The following PDE4D variants were observed in gnomAD, a reference collection of about 807,000 sequenced individuals.
The protein encoded by PDE4D is 3',5'-cyclic-AMP phosphodiesterase 4D.
A neutral mutation model predicts 87.4 loss-of-function variants in PDE4D; 24 were observed. The observed-to-expected ratio is 0.27, with a 90% CI of 0.20 to 0.39. PDE4D has a LOEUF of 0.39. PDE4D is among the 10% of genes least tolerant of loss of function. The pLI is 1.00. For synonymous variants in PDE4D, 384 were observed against 383.2 expected (o/e 1.00, Z -0.02); for missense variants, 714 against 1,041.0 (o/e 0.69, Z 4.32).
chr5:59,038,734 A>G (rs1759013747), intron 6 of PDE4D, 125 bp downstream of exon 6: 1 of 891,380 alleles, frequency 1.1e-6, no homozygotes, highest in African/African-American at 1.7e-5. Flanking sequence ...AAGGAGCAGA[A>G]TAGCCAACAT....
At chr5:59,237,834 T>C (rs1044490130) in intron 1 of PDE4D, among the ~76,000 whole-genome samples, 3 of 151,102 alleles carry the variant, frequency 2.0e-5, no homozygotes, top group Non-Finnish European at 4.4e-5. Context: ...CTCAGTGATA[T>C]GAAATGTGTA....
chr5:59,886,203 T>C (rs1750120779), intron 1 of PDE4D, among the ~76,000 whole-genome samples: 1 of 152,194 alleles, frequency 6.6e-6, no homozygotes, highest in Non-Finnish European at 1.5e-5. Context: ...TAAACTGCAA[T>C]TGATAACTGC....
intron 1 of PDE4D, among the ~76,000 whole-genome samples, chr5:59,226,462 G>C (rs903559268): frequency 6.6e-6 from 1 of 152,134 alleles, no homozygotes; most frequent in Non-Finnish European, 1.5e-5. Context: ...ATAGAAGCAG[G>C]AAGTAGCATG....
chr5:59,430,845 T>C (rs186386161), intron 1 of PDE4D, among the ~76,000 whole-genome samples: 4 of 152,292 alleles, frequency 2.6e-5, no homozygotes, highest in Admixed American at 1.3e-4. Context: ...AAACAAAGCA[T>C]GCATATCTGA....
chr5:59,907,513 A>G (rs886774118), intron 3 of PDE4D, among the ~76,000 whole-genome samples: 3 of 152,062 alleles, frequency 2.0e-5, no homozygotes, highest in Admixed American at 6.6e-5. Flanking sequence ...TGATGAAATA[A>G]AATAACCTGT....
intron 1 of PDE4D, among the ~76,000 whole-genome samples, chr5:59,628,686 G>A (rs956123095): frequency 1.1e-4 from 16 of 151,954 alleles, no homozygotes; most frequent in African/African-American, 3.6e-4. Context: ...ACTAGTGTGG[G>A]GGATAGAAAA....
chr5:59,079,128 G>C (rs1249293197), intron 5 of PDE4D, among the ~76,000 whole-genome samples: 1 of 152,084 alleles, frequency 6.6e-6, no homozygotes, highest in Non-Finnish European at 1.5e-5. Context: ...AATGGATTAA[G>C]GCAGATATAC....
At chr5:59,091,075 T>C (rs906342016) in intron 5 of PDE4D, 11 of 451,468 alleles carry the variant, frequency 2.4e-5, no homozygotes, top group Non-Finnish European at 4.4e-5. Flanking sequence ...TATGAAGGAG[T>C]ACTCACTCTC....
At chr5:59,995,959 A>G (rs1763489603) in intron 2 of PDE4D, among the ~76,000 whole-genome samples, 1 of 152,238 alleles carries the variant, frequency 6.6e-6, no homozygotes, top group Non-Finnish European at 1.5e-5. Flanking sequence ...ATGGTATTAG[A>G]TATTGGTGTT....
intron 3 of PDE4D, among the ~76,000 whole-genome samples, chr5:59,925,930 C>T (rs1316345851): frequency 6.6e-6 from 1 of 152,136 alleles, no homozygotes; most frequent in African/African-American, 2.4e-5. Context: ...GAGAGTTCAA[C>T]ACTCCACTTT....
intron 1 of PDE4D, among the ~76,000 whole-genome samples, chr5:59,608,288 C>T (rs1828499297): frequency 1.3e-5 from 2 of 152,074 alleles, no homozygotes; most frequent in African/African-American, 4.8e-5. Flanking sequence ...TCCCTATGTC[C>T]TATTTAAAGT....
chr5:59,194,213 A>G (rs1407061282), intron 2 of PDE4D, among the ~76,000 whole-genome samples: 1 of 152,190 alleles, frequency 6.6e-6, no homozygotes, highest in Non-Finnish European at 1.5e-5. Flanking sequence ...AAGTTGTGCA[A>G]CATTCCAGTT....
chr5:59,478,160 C>T (rs1353194247), intron 1 of PDE4D, among the ~76,000 whole-genome samples: 1 of 152,056 alleles, frequency 6.6e-6, no homozygotes, highest in Non-Finnish European at 1.5e-5. Flanking sequence ...ACCCATGTAA[C>T]AAACCTGCAC....
chr5:59,160,047 T>A (rs1346371373), intron 5 of PDE4D, among the ~76,000 whole-genome samples: 1 of 152,208 alleles, frequency 6.6e-6, no homozygotes, highest in African/African-American at 2.4e-5. Context: ...CAAAAATGAT[T>A]TAATTACATT....
chr5:60,067,737 C>T (rs1271421387), intron 2 of PDE4D, among the ~76,000 whole-genome samples: 1 of 152,078 alleles, frequency 6.6e-6, no homozygotes, highest in African/African-American at 2.4e-5. Flanking sequence ...TCTCTACCTC[C>T]ACCCACTGGT....
intron 1 of PDE4D, among the ~76,000 whole-genome samples, chr5:59,432,736 A>C (rs1287431468): frequency 6.6e-6 from 1 of 152,156 alleles, no homozygotes; most frequent in South Asian, 2.1e-4. Flanking sequence ...TCTGAACTGA[A>C]ATATATATTG....
chr5:60,031,670 T>C (rs1404781952), intron 2 of PDE4D, among the ~76,000 whole-genome samples: 2 of 152,212 alleles, frequency 1.3e-5, no homozygotes, highest in African/African-American at 4.8e-5. Flanking sequence ...TTTACTGGAA[T>C]TCCACATTTA....
Position 59,677,809 on chromosome 5 carries a change from C to T in PDE4D, c.455+215359G>A, listed in dbSNP as rs541892661. Among the ~76,000 whole-genome samples, 10 of 152,276 alleles carry T rather than the reference C, an allele frequency of 6.6e-5. No individual in the cohort carries two copies. In the South Asian group the frequency reaches 1.7e-3, roughly 25 times the overall value. ...ATACCCAGTGAGTTGTCCCCTTTGG[C>T]CCCTCCTAGGTGTGACCCATCCAAG... On this transcript the variant is annotated intron_variant, in intron 1 of 14. Coordinates refer to ENST00000340635, the MANE Select transcript of PDE4D (RefSeq NM_001104631.2).
intron 2 of PDE4D, among the ~76,000 whole-genome samples, chr5:60,150,301 C>G (rs1781393590): frequency 6.6e-6 from 1 of 151,826 alleles, no homozygotes; most frequent in South Asian, 2.1e-4. Context: ...TAGGCTCAGT[C>G]TCTGGTCTGT....
Sources: allele counts gnomAD v4.1 joint callset (sites outside exome capture counted in the v4.1 genomes callset), GRCh38; gene constraint gnomAD v4.1.1; transcripts MANE v1.5; gene names NCBI Gene and HGNC (gene_info 2026-07-23, HGNC 2026-07-21).